ACMSD: variants seen among roughly 807,000 people sequenced by gnomAD.
ACMSD encodes the protein 2-amino-3-carboxymuconate-6-semialdehyde decarboxylase.
ACMSD carries 37 observed loss-of-function variants against 45.9 expected under a neutral mutation model. The observed-to-expected ratio is 0.81, with a 90% CI of 0.62 to 1.06. The LOEUF (loss-of-function observed/expected upper bound fraction) is 1.06, where lower values mean the gene tolerates loss of function less well. Among genes scored for constraint, ACMSD ranks in the 50% least tolerant of loss-of-function variants. The pLI, the probability that ACMSD is intolerant of heterozygous loss-of-function variation, is 0.00. For synonymous variants in ACMSD, 138 were observed against 148.8 expected (o/e 0.93, Z 0.53); for missense variants, 434 against 420.9 (o/e 1.03, Z -0.27).
chr2:134,859,878 A>G (rs1029983018), intron 3 of ACMSD, among the ~76,000 whole-genome samples: 3 of 152,230 alleles, frequency 2.0e-5, no homozygotes, highest in Non-Finnish European at 4.4e-5. Context: ...CAGAAATTTG[A>G]AAGAAGAGAA....
intron 4 of ACMSD, among the ~76,000 whole-genome samples, chr2:134,862,615 G>C (rs10928521): frequency 0.31 from 47,479 of 152,008 alleles, 7,859 homozygotes; most frequent in East Asian, 0.45. Flanking sequence ...AATATCACCT[G>C]TTCATACATA....
At chr2:134,878,248 C>T (rs1007103755) in intron 8 of ACMSD, among the ~76,000 whole-genome samples, 1 of 152,244 alleles carries the variant, frequency 6.6e-6, no homozygotes, top group African/African-American at 2.4e-5. Context: ...ACTAGCAAGT[C>T]TGAAATCCAT....
chr2:134,857,929 A>G (rs1162841031), intron 2 of ACMSD: 1 of 151,720 alleles, frequency 6.6e-6, no homozygotes, highest in Non-Finnish European at 1.5e-5. Flanking sequence ...AAAGTCATAA[A>G]AGGATGTAGA....
intron 5 of ACMSD, among the ~76,000 whole-genome samples, chr2:134,865,191 T>A (rs1373793562): frequency 6.6e-6 from 1 of 152,212 alleles, no homozygotes; most frequent in African/African-American, 2.4e-5. Context: ...GCCTGTTAAA[T>A]TGCCTTCTAA....
rs78163964 is a variant in ACMSD at position 134,874,621 on chromosome 2, T to A, written c.849+1980T>A. On this transcript the variant is annotated intron_variant, in intron 8 of 9. Transcript: ENST00000356140. ...AGTTGGAAACAATTATTGCCAGACA[T>A]TTAACAGATCTGTTGATGCATTAGG... Among the ~76,000 whole-genome samples the A allele has an allele frequency of 0.02, 3,051 of 152,196 alleles. 222 individuals are homozygous for A. The East Asian group carries it at 0.29, about 14-fold the overall frequency.
chr2:134,863,642 G>T lies in ACMSD; in HGVS notation c.486+11G>T, dbSNP rs767946475. On this transcript the variant is annotated intron_variant, in intron 5 of 9. Transcript: ENST00000356140. ...TTTCCTGTCTATGCGGTGAGTAGCG[G>T]GGCTGCTCAGCCAACGCCAGCCGCC... 2.9e-5 allele frequency: 46 copies of T among 1,612,200 alleles called. No individual in the cohort carries two copies. The highest frequency in any genetic ancestry group is 2.2e-5 in the South Asian group (2 of 91,014).
At position 134,859,322 on chromosome 2, in the gene ACMSD, A is replaced by C. The variant is rs1332862446; in HGVS notation, c.164A>C (p.Asp55Ala). The C allele has an allele frequency of 6.2e-7, 1 of 1,614,026 alleles. No homozygotes were observed. The highest frequency in any genetic ancestry group is 8.5e-7 in the Non-Finnish European group (1 of 1,180,014). The change falls in exon 3 of 10, where the codon GAT becomes GCT. Residue 55 changes from aspartate to alanine, a missense_variant. Coordinates refer to ENST00000356140, the MANE Select transcript of ACMSD (RefSeq NM_138326.3). ...VFRVVRENCW[D>A]PEVRIREMDQ... Reference sequence around the variant, plus strand: ...AGAGTGGTGCGAGAGAATTGCTGGGATCCAGAAGTTCGTATTAGAGAAATG... The same window carrying C: ...AGAGTGGTGCGAGAGAATTGCTGGGCTCCAGAAGTTCGTATTAGAGAAATG...
intron 1 of ACMSD, among the ~76,000 whole-genome samples, chr2:134,841,041 T>G (rs1005188952): frequency 1.3e-5 from 2 of 152,240 alleles, no homozygotes; most frequent in Non-Finnish European, 2.9e-5. Context: ...ACCAGGTTTC[T>G]TCTTATGTAG....
intron 1 of ACMSD, among the ~76,000 whole-genome samples, chr2:134,839,612 T>C (rs746098056): frequency 5.3e-5 from 8 of 152,344 alleles, no homozygotes; most frequent in African/African-American, 9.6e-5. Context: ...ATGTGGTTCA[T>C]TGTGCAAATA....
chr2:134,868,675 A>C (rs1314145799), intron 6 of ACMSD, among the ~76,000 whole-genome samples: 1 of 151,792 alleles, frequency 6.6e-6, no homozygotes, highest in Admixed American at 6.6e-5. Context: ...CTGCTCTCAA[A>C]TTCTTGGCCT....
At chr2:134,901,210 C>A (rs1346999628) in intron 9 of ACMSD, among the ~76,000 whole-genome samples, 1 of 152,200 alleles carries the variant, frequency 6.6e-6, no homozygotes, top group African/African-American at 2.4e-5. Context: ...TAGGGTATCA[C>A]AAAGTTACTT....
rs898681046 is a variant in ACMSD at position 134,863,593 on chromosome 2, T to C, written c.448T>C (p.Trp150Arg). The C allele has an allele frequency of 1.2e-6, 2 of 1,614,072 alleles. No homozygotes were observed. Among genetic ancestry groups the C allele is most frequent in the Non-Finnish European group, 1.7e-6 (2 of 1,179,986 alleles). The change falls in exon 5 of 10, where the codon TGG (tryptophan) becomes CGG (arginine). Residue 150 changes from tryptophan to arginine, a missense_variant. Trp to Arg is a moderately radical substitution (Grantham distance 101, BLOSUM62 -3). Transcript: ENST00000356140. ...CCAAATTGGCACCCACGTCAACGAG[T>C]GGGACCTGAACGCGCAGGAGCTCTT... ...GVQIGTHVNE[W>R]DLNAQELFPV...
At chr2:134,886,246 A>ATTATTATTATTTT in intron 8 of ACMSD, among the ~76,000 whole-genome samples, 21 of 115,454 alleles carry the variant, frequency 1.8e-4, no homozygotes, top group East Asian at 5.5e-4. Context: ...TATTATTATT[A>ATTATTATTATTTT]TTTTTTTTTT....
intron 1 of ACMSD, among the ~76,000 whole-genome samples, chr2:134,840,185 AAAAAAAAAC>A (rs1468366752): frequency 0.019 from 2,755 of 141,500 alleles, 352 homozygotes; most frequent in East Asian, 0.15. Context: ...AAAAAAAAAA[AAAAAAAAAC>A]CACTAATTCC....
rs1366892938 is a variant in ACMSD at position 134,853,380 on chromosome 2, G to A, written c.103-5881G>A. On this transcript the variant is annotated intron_variant, in intron 2 of 9. Coordinates refer to ENST00000356140, the MANE Select transcript of ACMSD (RefSeq NM_138326.3). ...AAAATATAAGAGGTGTATTTAAAGT[G>A]TGTTATCTGGATAGTAATAGTTGCA... is the stretch of plus-strand genomic sequence containing the variant. Among the ~76,000 whole-genome samples the A allele has an allele frequency of 3.3e-5, 5 of 151,824 alleles. No individual in the cohort carries two copies. The South Asian group carries it at 6.2e-4, about 19-fold the overall frequency.
intron 8 of ACMSD, among the ~76,000 whole-genome samples, chr2:134,874,982 A>C (rs1273108487): frequency 1.3e-5 from 2 of 152,186 alleles, no homozygotes; most frequent in Non-Finnish European, 2.9e-5. Flanking sequence ...CTAAAATGGT[A>C]AAAGTGGCTG....
chr2:134,898,484 C>A, intron 9 of ACMSD, 45 bp downstream of exon 9: 1 of 1,407,246 alleles, frequency 7.1e-7, no homozygotes. Context: ...ACTTTTCCTG[C>A]TCTAATTGGG....
intron 8 of ACMSD, among the ~76,000 whole-genome samples, chr2:134,885,906 A>C (rs1023530473): frequency 5.3e-5 from 8 of 152,180 alleles, no homozygotes; most frequent in Non-Finnish European, 1.2e-4. Context: ...AGCTAGTCAC[A>C]TCAGACCACA....
chr2:134,850,118 C>A (rs559326641), intron 2 of ACMSD, among the ~76,000 whole-genome samples: 1 of 149,480 alleles, frequency 6.7e-6, no homozygotes, highest in African/African-American at 2.5e-5. Context: ...AGTACTAACC[C>A]CCTTAAAAAA....
Sources: allele counts gnomAD v4.1 joint callset (sites outside exome capture counted in the v4.1 genomes callset), GRCh38; gene constraint gnomAD v4.1.1; transcripts MANE v1.5; gene names NCBI Gene and HGNC (gene_info 2026-07-23, HGNC 2026-07-21).